Variants in SLIT3 observed in about 807,000 individuals in gnomAD.
SLIT3 encodes slit homolog 3 protein.
SLIT3 carries 68 observed loss-of-function variants against 184.0 expected under a neutral mutation model. The observed-to-expected ratio is 0.37, with a 90% CI of 0.30 to 0.45. SLIT3 has a LOEUF of 0.45. Ranked by LOEUF, SLIT3 falls within the 20% of genes least tolerant of loss-of-function variation. SLIT3 has a pLI of 1.00. For missense variants in SLIT3, 1,707 were observed against 2,026.0 expected (o/e 0.84, Z 3.02); for synonymous variants, 831 against 828.6 (o/e 1.00, Z -0.05).
intron 4 of SLIT3, among the ~76,000 whole-genome samples, chr5:168,952,318 T>C (rs1762674313): frequency 6.6e-6 from 1 of 152,120 alleles, no homozygotes; most frequent in Non-Finnish European, 1.5e-5. Context: ...GCCTCGTTCC[T>C]CTTTTCTGGC....
intron 3 of SLIT3, among the ~76,000 whole-genome samples, chr5:169,227,516 C>G (rs777479709): frequency 2.6e-5 from 4 of 152,342 alleles, no homozygotes; most frequent in East Asian, 3.9e-4. Context: ...CAACCTCCCC[C>G]TCCTGGGCTC....
intron 14 of SLIT3, among the ~76,000 whole-genome samples, chr5:168,766,780 G>T (rs1755360398): frequency 6.6e-6 from 1 of 152,218 alleles, no homozygotes; most frequent in South Asian, 2.1e-4. Context: ...TCGAGGATTT[G>T]CTCTGTGTTA....
At chr5:168,938,718 C>A (rs1333288189) in intron 4 of SLIT3, among the ~76,000 whole-genome samples, 1 of 152,150 alleles carries the variant, frequency 6.6e-6, no homozygotes, top group Non-Finnish European at 1.5e-5. Context: ...GCAACCTCCT[C>A]CTCCCGGGTT....
chr5:168,822,812 C>T (rs1757576199), intron 7 of SLIT3, among the ~76,000 whole-genome samples: 1 of 152,180 alleles, frequency 6.6e-6, no homozygotes, highest in South Asian at 2.1e-4. Context: ...AGGAGTGACT[C>T]TCCTGTACTG....
At chr5:169,260,405 A>C (rs1286569297) in intron 1 of SLIT3, among the ~76,000 whole-genome samples, 1 of 152,114 alleles carries the variant, frequency 6.6e-6, no homozygotes, top group African/African-American at 2.4e-5. Flanking sequence ...CTTCCCTATG[A>C]GCTAAGCAGG....
intron 14 of SLIT3, 159 bp downstream of exon 14, chr5:168,772,622 G>A: frequency 1.5e-6 from 1 of 681,598 alleles, no homozygotes; most frequent in Non-Finnish European, 2.5e-6. Flanking sequence ...AAGGTAACTG[G>A]TTTTCTGCAG....
At chr5:169,253,330 CTAATATTTT>C (rs1311804702) in intron 1 of SLIT3, among the ~76,000 whole-genome samples, 2 of 152,304 alleles carry the variant, frequency 1.3e-5, no homozygotes, top group East Asian at 3.9e-4. Context: ...ATCTGCAGCA[CTAATATTTT>C]GAATATTTAT....
chr5:169,194,080 A>G (rs1185761808), intron 3 of SLIT3, among the ~76,000 whole-genome samples: 1 of 151,864 alleles, frequency 6.6e-6, no homozygotes, highest in Non-Finnish European at 1.5e-5. Flanking sequence ...TAAAAATACA[A>G]AAAAATTAGC....
At chr5:169,009,445 G>A (rs1296060855) in intron 4 of SLIT3, among the ~76,000 whole-genome samples, 2 of 152,174 alleles carry the variant, frequency 1.3e-5, no homozygotes, top group African/African-American at 4.8e-5. Flanking sequence ...AAGCAAGCAC[G>A]CTGTGTAGTC....
intron 5 of SLIT3, among the ~76,000 whole-genome samples, chr5:168,880,125 C>A (rs1759893643): frequency 6.6e-6 from 1 of 152,226 alleles, no homozygotes; most frequent in Admixed American, 6.5e-5. Context: ...CTGCTTCTCT[C>A]TCCCAAGAGA....
At chr5:168,765,167 G>A (rs1287280693) in intron 14 of SLIT3, among the ~76,000 whole-genome samples, 1 of 152,192 alleles carries the variant, frequency 6.6e-6, no homozygotes, top group Non-Finnish European at 1.5e-5. Flanking sequence ...GGCGTGCACC[G>A]GCTGGGCTGT....
chr5:169,183,382 G>A (rs956274903), intron 4 of SLIT3, among the ~76,000 whole-genome samples: 3 of 152,184 alleles, frequency 2.0e-5, no homozygotes, highest in Non-Finnish European at 4.4e-5. Flanking sequence ...GCTGTTCAAT[G>A]TACCACCATG....
chr5:168,862,035 C>A (rs1025120708), intron 5 of SLIT3, among the ~76,000 whole-genome samples: 1 of 152,180 alleles, frequency 6.6e-6, no homozygotes, highest in African/African-American at 2.4e-5. Flanking sequence ...GAGAACAAAA[C>A]AAGACCATTT....
intron 4 of SLIT3, chr5:168,994,161 G>T (rs944675054): frequency 3.9e-5 from 6 of 152,210 alleles, no homozygotes; most frequent in Non-Finnish European, 8.8e-5. Context: ...CAGCTGGGTG[G>T]CTCCTCGGAA....
intron 4 of SLIT3, among the ~76,000 whole-genome samples, chr5:169,179,629 C>T (rs1763091619): frequency 1.4e-5 from 2 of 147,386 alleles, no homozygotes; most frequent in South Asian, 2.2e-4. Context: ...TGAAATCCTC[C>T]TGCCACCGAG....
At chr5:169,160,384 C>T (rs916891069) in intron 4 of SLIT3, among the ~76,000 whole-genome samples, 3 of 152,186 alleles carry the variant, frequency 2.0e-5, no homozygotes, top group Non-Finnish European at 4.4e-5. Flanking sequence ...CCTTTATTTA[C>T]AGTGTAAATG....
At chr5:168,808,999 C>T (rs1221656760) in intron 8 of SLIT3, among the ~76,000 whole-genome samples, 1 of 152,168 alleles carries the variant, frequency 6.6e-6, no homozygotes, top group Non-Finnish European at 1.5e-5. Flanking sequence ...CTTGCATTTT[C>T]CATCTGTTCA....
intron 4 of SLIT3, among the ~76,000 whole-genome samples, chr5:169,003,917 C>G (rs370963478): frequency 6.6e-6 from 1 of 152,098 alleles, no homozygotes; most frequent in South Asian, 2.1e-4. Flanking sequence ...TTTATCAGGC[C>G]TGTTGTGGAG....
At chr5:168,841,143 C>T (rs912461252) in intron 6 of SLIT3, among the ~76,000 whole-genome samples, 1 of 152,244 alleles carries the variant, frequency 6.6e-6, no homozygotes, top group African/African-American at 2.4e-5. Flanking sequence ...AGCCAAACAC[C>T]ATGGCAGCCT....
Sources: gnomAD v4.1 joint callset for allele counts (sites outside exome capture counted in the v4.1 genomes callset) on GRCh38, gnomAD v4.1.1 for gene constraint, MANE v1.5 for transcripts, NCBI Gene and HGNC (gene_info 2026-07-23, HGNC 2026-07-21) for gene names.